PAX6: variants seen among roughly 807,000 people sequenced by gnomAD.
PAX6 encodes the protein paired box protein Pax-6.
A neutral mutation model predicts 60.7 loss-of-function variants in PAX6; 7 were observed. The observed-to-expected ratio is 0.12, with a 90% CI of 0.07 to 0.22. The LOEUF (loss-of-function observed/expected upper bound fraction) is 0.22. PAX6 is among the 10% of genes least tolerant of loss of function. The pLI, the probability that PAX6 is intolerant of heterozygous loss-of-function variation, is 1.00. For synonymous variants in PAX6, 208 were observed against 201.2 expected (o/e 1.03, Z -0.29); for missense variants, 355 against 555.2 (o/e 0.64, Z 3.62).
upstream of PAX6, chr11:31,811,675 G>A: frequency 6.4e-6 from 1 of 156,094 alleles, no homozygotes; most frequent in Non-Finnish European, 1.4e-5. Context: ...CTCGGAGGGT[G>A]CAAGTTTCTG....
At chr11:31,817,381 C>A (rs1322540776) in intron 1 of PAX6, among the ~76,000 whole-genome samples, 4 of 152,230 alleles carry the variant, frequency 2.6e-5, no homozygotes, top group African/African-American at 9.6e-5. Context: ...TGTCTTTAAG[C>A]GCTCCAGGCG....
intron 7 of PAX6, chr11:31,801,272 T>C: frequency 2.9e-6 from 4 of 1,392,460 alleles, no homozygotes; most frequent in Non-Finnish European, 3.7e-6. Flanking sequence ...GAAGTTACAA[T>C]CTGGTTCTCA....
rs1432018608 is a variant in PAX6 at position 31,793,491 on chromosome 11, T to C, written c.1021A>G (p.Ser341Gly). Residue 341 changes from serine (S) to glycine (G), a missense_variant, in exon 12 of 14, where the codon AGC becomes GGC. Physicochemically the swap from Ser to Gly is moderately conservative, Grantham distance 56 (BLOSUM62 0). This residue lies in a region of PAX6 where 149 missense variants were observed against 191.9 expected (regional missense o/e 0.78). Transcript: ENST00000640368. Reference sequence around the variant, plus strand: ...AAGCTGGGCATAGGCGGCAGAGCGCTGTAGGTGTTTGTGAGGGCTGTGTCT... The same window carrying C: ...AAGCTGGGCATAGGCGGCAGAGCGCCGTAGGTGTTTGTGAGGGCTGTGTCT... ...RTDTALTNTY[S>G]ALPPMPSFTM... 1 of 1,614,086 alleles carries C rather than the reference T, an allele frequency of 6.2e-7. No homozygotes were observed. The highest frequency in any genetic ancestry group is 2.2e-5 in the East Asian group (1 of 44,892).
Position 31,801,579 on chromosome 11 carries a change from G to C in PAX6, c.381C>G (p.Thr127=). The change falls in exon 7 of 14, where the codon ACC becomes ACG. Residue 127 remains threonine, a synonymous_variant. Coordinates refer to ENST00000640368, the MANE Select transcript of PAX6 (RefSeq NM_001368894.2). ...RDRLLSEGVC[T]NDNIPSVSSI... ...AACTTACGCTTGGTATGTTATCGTT[G>C]GTACAGACCCCCTCGGACAGTAATC... 2.5e-6 allele frequency: 4 copies of C among 1,614,142 alleles called. No homozygotes were observed. Among genetic ancestry groups the C allele is most frequent in the Non-Finnish European group, 3.4e-6 (4 of 1,180,026 alleles).
chr11:31,802,594 T>C, intron 5 of PAX6, 110 bp downstream of exon 5: 1 of 1,028,590 alleles, frequency 9.7e-7, no homozygotes, highest in Non-Finnish European at 1.3e-6. Flanking sequence ...CTGGGGTGGG[T>C]GAGGGTGGGG....
intron 2 of PAX6, chr11:31,807,553 C>T (rs1206588311): frequency 2.6e-5 from 4 of 152,236 alleles, no homozygotes; most frequent in Non-Finnish European, 5.9e-5. Flanking sequence ...TTATCCCAAA[C>T]CTCACTTATT....
intron 3 of PAX6, 134 bp from the exon 4 acceptor site, chr11:31,806,596 G>T: frequency 1.4e-6 from 1 of 700,804 alleles, no homozygotes. Flanking sequence ...ACCTCTTGGG[G>T]CGATCTGAGG....
chr11:31,806,134 A>T (rs1005198285), intron 4 of PAX6: 83 of 471,686 alleles, frequency 1.8e-4, no homozygotes, highest in Admixed American at 3.3e-4. Context: ...TTTGGGGGGG[A>T]TGGGGTTTCT....
intron 9 of PAX6, 139 bp downstream of exon 9, chr11:31,794,491 C>A: frequency 2.8e-6 from 2 of 727,152 alleles, no homozygotes. Flanking sequence ...GAAAAGATGC[C>A]CAGAGAAATA....
chr11:31,808,135 TTC>T (rs1225640880), intron 2 of PAX6: 1 of 152,028 alleles, frequency 6.6e-6, no homozygotes, highest in Non-Finnish European at 1.5e-5. Flanking sequence ...ACAGCATCAT[TTC>T]TCTCTGTTTT....
At chr11:31,813,395 G>T (rs956729439), upstream of PAX6, among the ~76,000 whole-genome samples, 10 of 102,536 alleles carry the variant, frequency 9.8e-5, no homozygotes, top group Admixed American at 2.3e-4. Context: ...GGGGCGGGGG[G>T]GGGGGAAGTG....
chr11:31,811,556 G>A (rs932663029), upstream of PAX6: 38 of 233,360 alleles, frequency 1.6e-4, no homozygotes, highest in African/African-American at 7.4e-4. Context: ...CGCACGCCGA[G>A]ATTCGGCGCG....
In PAX6 at chr11:31,816,948, C is replaced by G. The variant is rs1416659171; in HGVS notation, c.-317+861G>C. On this transcript the variant is annotated intron_variant, in intron 1 of 12. Coordinates refer to the PAX6 transcript ENST00000241001. Reference sequence around the variant, plus strand: ...CCGGGCTCCCAGGACTTTCGCCCGGCTGAACCACAAGTTAGTCTAAGTTTG... The same window carrying G: ...CCGGGCTCCCAGGACTTTCGCCCGGGTGAACCACAAGTTAGTCTAAGTTTG... Among the ~76,000 whole-genome samples the G allele has an allele frequency of 2.0e-5, 3 of 152,252 alleles. No homozygotes were observed. The East Asian group carries it at 5.8e-4, about 29-fold the overall frequency.
At chr11:31,802,025 A>C in intron 5 of PAX6, 113 bp from the exon 6 acceptor site, 1 of 889,828 alleles carries the variant, frequency 1.1e-6, no homozygotes, top group African/African-American at 1.7e-5. Context: ...ACTTTCAAAC[A>C]ATTTGAACTA....
intron 8 of PAX6, among the ~76,000 whole-genome samples, chr11:31,799,766 G>T (rs990835636): frequency 1.3e-5 from 2 of 152,258 alleles, no homozygotes; most frequent in Non-Finnish European, 2.9e-5. Flanking sequence ...CCCTGGCCCC[G>T]AGCCCCTCGG....
intron 2 of PAX6, chr11:31,807,653 G>T (rs1327909287): frequency 6.6e-6 from 1 of 152,184 alleles, no homozygotes; most frequent in Non-Finnish European, 1.5e-5. Context: ...GCTTTAAAAA[G>T]TACGAACAGG....
chr11:31,815,098 C>G (rs1020615936), upstream of PAX6: 4 of 151,470 alleles, frequency 2.6e-5, no homozygotes, highest in African/African-American at 9.7e-5. Context: ...GTGGAGTCTC[C>G]CAGCAAAGGG....
intron 4 of PAX6, 82 bp downstream of exon 4, chr11:31,806,320 G>T (rs1280927610): frequency 4.0e-6 from 6 of 1,509,094 alleles, no homozygotes; most frequent in Non-Finnish European, 5.4e-6. Context: ...CAGCGCGGGC[G>T]TCGCGAGTCC....
intron 7 of PAX6, chr11:31,801,196 G>C: frequency 1.6e-6 from 2 of 1,217,422 alleles, no homozygotes; most frequent in Non-Finnish European, 2.2e-6. Context: ...TCATTATATT[G>C]TTTAATATTA....
Sources: gnomAD v4.1 joint callset for allele counts (sites outside exome capture counted in the v4.1 genomes callset) on GRCh38, gnomAD v4.1.1 for gene constraint, gnomAD v4.1.1 regional missense constraint, MANE v1.5 for transcripts, NCBI Gene and HGNC (gene_info 2026-07-23, HGNC 2026-07-21) for gene names.